SLC4A4: variants seen among roughly 807,000 people sequenced by gnomAD.
SLC4A4 encodes solute carrier family 4 member 4.
A neutral mutation model predicts 111.5 loss-of-function variants in SLC4A4; 27 were observed. The observed-to-expected ratio is 0.24, with a 90% confidence interval of 0.18 to 0.33. The LOEUF is 0.33. Ranked by LOEUF, SLC4A4 falls within the 10% of genes least tolerant of loss-of-function variation. The pLI is 1.00. For synonymous variants in SLC4A4, 443 were observed against 463.4 expected (o/e 0.96, Z 0.57); for missense variants, 909 against 1,315.5 (o/e 0.69, Z 4.78).
chr4:71,177,456 T>C (rs998233629), intron 2 of SLC4A4, among the ~76,000 whole-genome samples: 1 of 152,026 alleles, frequency 6.6e-6, no homozygotes, highest in Non-Finnish European at 1.5e-5. Flanking sequence ...GAGACACACA[T>C]AGGCTCAAAA....
At chr4:71,094,315 A>G (rs145782487) in intron 2 of SLC4A4, among the ~76,000 whole-genome samples, 4 of 152,328 alleles carry the variant, frequency 2.6e-5, no homozygotes, top group Non-Finnish European at 2.9e-5. Context: ...GAGAGATTCC[A>G]GGGAAAATGT....
intron 7 of SLC4A4, among the ~76,000 whole-genome samples, chr4:71,411,421 C>T (rs895953370): frequency 1.3e-5 from 2 of 151,940 alleles, no homozygotes; most frequent in Admixed American, 1.3e-4. Flanking sequence ...TGTTACAGCA[C>T]ATGATGCTTT....
intron 7 of SLC4A4, among the ~76,000 whole-genome samples, chr4:71,398,088 C>A (rs1253725094): frequency 6.6e-6 from 1 of 151,946 alleles, no homozygotes; most frequent in East Asian, 1.9e-4. Context: ...GAGTTGAAGA[C>A]CAGTCTGGCC....
chr4:71,100,769 G>A (rs1042414907), intron 2 of SLC4A4, among the ~76,000 whole-genome samples: 1 of 152,130 alleles, frequency 6.6e-6, no homozygotes, highest in Non-Finnish European at 1.5e-5. Context: ...CAAAATCAAT[G>A]TACAAAAATC....
intron 6 of SLC4A4, among the ~76,000 whole-genome samples, chr4:71,375,161 A>G (rs886995995): frequency 1.1e-4 from 16 of 152,162 alleles, no homozygotes; most frequent in Non-Finnish European, 2.9e-5. Flanking sequence ...ATAGTTGGGC[A>G]TATGGAAACG....
intron 3 of SLC4A4, among the ~76,000 whole-genome samples, chr4:71,322,490 C>T (rs891846630): frequency 6.6e-6 from 1 of 151,950 alleles, no homozygotes; most frequent in Non-Finnish European, 1.5e-5. Context: ...TAGTTGCACT[C>T]GAACAAATCT....
intron 3 of SLC4A4, among the ~76,000 whole-genome samples, chr4:71,304,114 C>T (rs1373854683): frequency 3.3e-5 from 5 of 152,204 alleles, no homozygotes; most frequent in African/African-American, 9.6e-5. Context: ...TGGGTAGAAA[C>T]TCTGTTTCAT....
intron 21 of SLC4A4, among the ~76,000 whole-genome samples, chr4:71,555,488 C>G (rs1430349409): frequency 6.6e-6 from 1 of 151,872 alleles, no homozygotes; most frequent in Non-Finnish European, 1.5e-5. Flanking sequence ...TTTCCTTCCC[C>G]TTACCCATCT....
intron 2 of SLC4A4, among the ~76,000 whole-genome samples, chr4:71,121,354 C>G (rs918503253): frequency 6.6e-6 from 1 of 152,212 alleles, no homozygotes; most frequent in Non-Finnish European, 1.5e-5. Flanking sequence ...CTGAGGAGTG[C>G]AGGCACCAGG....
intron 2 of SLC4A4, among the ~76,000 whole-genome samples, chr4:71,126,698 T>C (rs1743571565): frequency 1.3e-5 from 2 of 152,236 alleles, no homozygotes; most frequent in Non-Finnish European, 2.9e-5. Context: ...AATTCATATT[T>C]ACTTAAAATA....
intron 1 of SLC4A4, among the ~76,000 whole-genome samples, chr4:71,188,933 A>G (rs1282124145): frequency 6.6e-6 from 1 of 152,210 alleles, no homozygotes; most frequent in Non-Finnish European, 1.5e-5. Flanking sequence ...AAGTACTGAT[A>G]GGATTCTGGT....
intron 11 of SLC4A4, among the ~76,000 whole-genome samples, chr4:71,452,033 T>C (rs1173618148): frequency 6.6e-6 from 1 of 152,164 alleles, no homozygotes; most frequent in Non-Finnish European, 1.5e-5. Context: ...TTTTATTGGG[T>C]GTTAAGTAAA....
chr4:71,379,593 T>C (rs1271432399), intron 6 of SLC4A4, among the ~76,000 whole-genome samples: 2 of 152,138 alleles, frequency 1.3e-5, no homozygotes, highest in African/African-American at 4.8e-5. Flanking sequence ...CTTATCATTA[T>C]ACAATAATAC....
At position 71,453,457 on chromosome 4, in the gene SLC4A4, C is replaced by G. The variant is rs1286087032; in HGVS notation, c.1323-38C>G. 5 of 1,587,310 alleles carry G rather than the reference C, an allele frequency of 3.1e-6. No individual in the cohort carries two copies. In the East Asian group the frequency reaches 1.1e-4, roughly 35 times the overall value. On this transcript the variant is annotated intron_variant, in intron 11 of 25. Transcript: ENST00000264485. ...TCTTGATTAATTTGATGGTAATTTACTTTACATTTAGTGGATGTTTGCATT... is the reference window on the plus strand; with the variant it reads ...TCTTGATTAATTTGATGGTAATTTAGTTTACATTTAGTGGATGTTTGCATT...
intron 20 of SLC4A4, among the ~76,000 whole-genome samples, chr4:71,550,925 T>G (rs1735930276): frequency 6.6e-6 from 1 of 151,904 alleles, no homozygotes; most frequent in Non-Finnish European, 1.5e-5. Flanking sequence ...AGGATACCCC[T>G]TGACCCTAGC....
intron 16 of SLC4A4, among the ~76,000 whole-genome samples, chr4:71,531,753 C>CCACACACACA (rs2068362885): frequency 1.4e-5 from 1 of 72,716 alleles, no homozygotes; most frequent in African/African-American, 5.7e-5. Context: ...CCCTCCCTGC[C>CCACACACACA]TACACACACA....
At chr4:71,547,019 C>A (rs973590628) in intron 19 of SLC4A4, among the ~76,000 whole-genome samples, 2 of 152,008 alleles carry the variant, frequency 1.3e-5, no homozygotes, top group Non-Finnish European at 2.9e-5. Context: ...CTCTGTTGAG[C>A]ACTTTTTACA....
At chr4:71,287,073 C>T (rs978483499) in intron 3 of SLC4A4, among the ~76,000 whole-genome samples, 3 of 152,118 alleles carry the variant, frequency 2.0e-5, no homozygotes, top group Non-Finnish European at 4.4e-5. Flanking sequence ...GGCAGATTGC[C>T]TGGCCTGATT....
rs1320991054 is a variant in SLC4A4, at chr4:71,494,913, A to C, written c.1975-2588A>C. The stretch of plus-strand genomic sequence containing the variant: ...TGGAACAATAATATTGAAATAATAC[A>C]GATAATATAGATGTGTTTTCAGTGA... On this transcript the variant is annotated intron_variant, in intron 15 of 25. Coordinates refer to ENST00000264485, the MANE Select transcript of SLC4A4 (RefSeq NM_001098484.3). 3.9e-5 allele frequency among the ~76,000 whole-genome samples: 6 copies of C among 152,198 alleles called. No individual in the cohort carries two copies. In the South Asian group the frequency reaches 1.2e-3, roughly 32 times the overall value.
Sources: allele counts gnomAD v4.1 joint callset (sites outside exome capture counted in the v4.1 genomes callset), GRCh38; gene constraint gnomAD v4.1.1; transcripts MANE v1.5; gene names NCBI Gene and HGNC (gene_info 2026-07-23, HGNC 2026-07-21).